The following SIRPG variants were observed in gnomAD, a reference collection of about 807,000 sequenced individuals.
SIRPG encodes the protein signal regulatory protein gamma.
A neutral mutation model predicts 35.7 loss-of-function variants in SIRPG; 38 were observed. The observed-to-expected ratio is 1.06, with a 90% CI of 0.82 to 1.40. SIRPG has a LOEUF of 1.40. Ranked by LOEUF, SIRPG falls within the 40% of genes most tolerant of loss-of-function variation. The pLI is 0.00. For missense variants in SIRPG, 519 were observed against 483.0 expected, an observed-to-expected ratio of 1.07 and a Z score of -0.70; for synonymous variants, 215 against 190.4, an observed-to-expected ratio of 1.13 and a Z score of -1.06.
intron 1 of SIRPG, among the ~76,000 whole-genome samples, chr20:1,652,239 C>T (rs1197063244): frequency 6.6e-6 from 1 of 152,196 alleles, no homozygotes; most frequent in Non-Finnish European, 1.5e-5. Flanking sequence ...AATCTACTGG[C>T]TTGTGGTCCA....
chr20:1,636,601 T>C, intron 2 of SIRPG, 96 bp from the exon 3 acceptor site: 2 of 1,265,544 alleles, frequency 1.6e-6, no homozygotes, highest in South Asian at 2.7e-5. Context: ...GATACATTAA[T>C]TTTAATCCTT....
At chr20:1,634,281 A>G (rs538477770) in intron 4 of SIRPG, among the ~76,000 whole-genome samples, 25 of 145,310 alleles carry the variant, frequency 1.7e-4, no homozygotes, top group African/African-American at 6.2e-4. Flanking sequence ...ATCTCGGCTC[A>G]CTGCAAGCTC....
intron 1 of SIRPG, among the ~76,000 whole-genome samples, chr20:1,650,677 G>A (rs1240022433): frequency 6.6e-6 from 1 of 152,102 alleles, no homozygotes; most frequent in Non-Finnish European, 1.5e-5. Flanking sequence ...AGAAAAAAGA[G>A]CAGAAGATTA....
In SIRPG at chr20:1,649,234, CCTT is replaced by C. The variant is rs1429385479; in HGVS notation, c.245_247del (p.Glu82del). ...AACTGTTGTTACCCTGGGGAAGTGG[CCTT>C]CTTTTTGATTGTAGATTAATTCCCG... is the stretch of plus-strand genomic sequence containing the variant. On this transcript the variant is annotated inframe_deletion, in exon 2 of 6. Transcript: ENST00000303415. 6.2e-7 allele frequency: 1 copy of C among 1,613,966 alleles called. No individual in the cohort carries two copies. The highest frequency in any genetic ancestry group is 8.5e-7 in the Non-Finnish European group (1 of 1,180,020).
intron 1 of SIRPG, among the ~76,000 whole-genome samples, chr20:1,651,891 A>G (rs367568163): frequency 4.6e-5 from 7 of 152,186 alleles, no homozygotes; most frequent in South Asian, 2.1e-4. Context: ...ACCTCTTCAA[A>G]GAAGACTCAT....
chr20:1,635,137 T>TG, intron 4 of SIRPG, 130 bp downstream of exon 4: 1 of 682,196 alleles, frequency 1.5e-6, no homozygotes, highest in Non-Finnish European at 2.4e-6. Flanking sequence ...ATGTGGGATT[T>TG]GGGGGGATGG....
the SIRPG span, among the ~76,000 whole-genome samples, chr20:1,667,012 A>G: frequency 6.6e-6 from 1 of 152,004 alleles, no homozygotes; most frequent in Non-Finnish European, 1.5e-5. Context: ...CCCGAGCTCA[A>G]GTGATACTCC....
chr20:1,681,512 T>A, the SIRPG span, among the ~76,000 whole-genome samples: 1 of 152,130 alleles, frequency 6.6e-6, no homozygotes. Flanking sequence ...TTTCCAACAG[T>A]GTCTGCCACA....
the SIRPG span, among the ~76,000 whole-genome samples, chr20:1,663,366 A>C: frequency 6.6e-6 from 1 of 152,224 alleles, no homozygotes; most frequent in Non-Finnish European, 1.5e-5. Flanking sequence ...AATCCAGTAG[A>C]GACAATAGCA....
Position 1,643,383 on chromosome 20 carries a change from T to G in SIRPG, c.430+5669A>C, listed in dbSNP as rs1477228760. Among the ~76,000 whole-genome samples the G allele has an allele frequency of 3.3e-5, 5 of 152,224 alleles. No homozygotes were observed. The East Asian group carries it at 9.6e-4, about 29-fold the overall frequency. On this transcript the variant is annotated intron_variant, in intron 2 of 5. Transcript: ENST00000303415. ...TTCCACTACTGATACTTGTGTATGCTTCACAAAGTTCTTGTGCTACGTTTT... is the reference window on the plus strand; with the variant it reads ...TTCCACTACTGATACTTGTGTATGCGTCACAAAGTTCTTGTGCTACGTTTT...
intron 4 of SIRPG, among the ~76,000 whole-genome samples, chr20:1,631,633 G>A (rs2147336): frequency 0.71 from 107,581 of 151,714 alleles, 38,410 homozygotes; most frequent in South Asian, 0.85. Context: ...TGTCTGTAAA[G>A]CTTACTCTAA....
the SIRPG span, among the ~76,000 whole-genome samples, chr20:1,663,905 C>G: frequency 6.6e-6 from 1 of 152,146 alleles, no homozygotes; most frequent in African/African-American, 2.4e-5. Context: ...AAAGAAATAC[C>G]TGAGGCTGGG....
intron 1 of SIRPG, among the ~76,000 whole-genome samples, chr20:1,655,864 T>G (rs1301024543): frequency 6.6e-6 from 1 of 152,006 alleles, no homozygotes; most frequent in African/African-American, 2.4e-5. Flanking sequence ...GAACCAATGA[T>G]TAAAAATGAA....
intron 4 of SIRPG, among the ~76,000 whole-genome samples, chr20:1,634,899 C>T (rs1031328260): frequency 1.8e-4 from 28 of 151,542 alleles, no homozygotes; most frequent in Admixed American, 1.2e-3. Flanking sequence ...AAAAATTAGT[C>T]GGGCGTGGTG....
the SIRPG span, among the ~76,000 whole-genome samples, chr20:1,674,820 C>T: frequency 1.3e-5 from 2 of 152,188 alleles, no homozygotes; most frequent in Non-Finnish European, 2.9e-5. Context: ...GAGAGAACCT[C>T]AAATCCTATC....
At chr20:1,657,816 G>A, upstream of SIRPG, 1 of 1,106,064 alleles carries the variant, frequency 9.0e-7, no homozygotes, top group Non-Finnish European at 1.3e-6. Context: ...CTCAATTCAA[G>A]AGGAAGTGGC....
the SIRPG span, chr20:1,670,138 G>C: frequency 7.7e-6 from 2 of 260,520 alleles, no homozygotes; most frequent in South Asian, 1.1e-4. Context: ...TCTCCAACCA[G>C]GTCAGCTGTA....
Position 1,649,150 on chromosome 20 carries a change from G to C in SIRPG, c.332C>G (p.Pro111Arg). 1 of 1,614,056 alleles carries C rather than the reference G, an allele frequency of 6.2e-7. No homozygotes were observed. Among genetic ancestry groups the C allele is most frequent in the Non-Finnish European group, 8.5e-7 (1 of 1,179,980 alleles). ...ACAGTAGTATGTGCCGACATCTGCT[G>C]GGGTGATGCTACTGATGCGGATGGA... is the stretch of plus-strand genomic sequence containing the variant. ...DFSIRISSIT[P>R]ADVGTYYCVK... The change falls in exon 2 of 6, where the codon CCA becomes CGA. Residue 111 changes from proline to arginine, a missense_variant. Transcript: ENST00000303415.
chr20:1,633,018 G>A (rs937991795), intron 4 of SIRPG, among the ~76,000 whole-genome samples: 20 of 152,248 alleles, frequency 1.3e-4, no homozygotes, highest in Admixed American at 5.2e-4. Flanking sequence ...TGATGAAGAA[G>A]AAAACAGAAA....
Sources: gnomAD v4.1 joint callset for allele counts (sites outside exome capture counted in the v4.1 genomes callset) on GRCh38, gnomAD v4.1.1 for gene constraint, MANE v1.5 for transcripts, NCBI Gene and HGNC (gene_info 2026-07-23, HGNC 2026-07-21) for gene names.